Variants in RNF19A observed in about 807,000 individuals in gnomAD.
RNF19A encodes ring finger protein 19A, RBR E3 ubiquitin protein ligase.
In RNF19A, 32 loss-of-function variants were observed where a neutral mutation model predicts 75.7. The ratio of observed to expected loss-of-function variants is 0.42; its 90% CI spans 0.32 to 0.57. The LOEUF (loss-of-function observed/expected upper bound fraction) is 0.57, where lower values mean the gene tolerates loss of function less well. RNF19A is among the 20% of genes least tolerant of loss of function. The pLI, the probability that RNF19A is intolerant of heterozygous loss-of-function variation, is 0.10. For synonymous variants in RNF19A, 335 were observed against 345.2 expected (o/e 0.97, Z 0.33); for missense variants, 782 against 1,036.3 (o/e 0.75, Z 3.37).
At position 100,332,589 on chromosome 8, in the gene RNF19A, A is replaced by G. The variant is rs1176473877; in HGVS notation, c.-243+3519T>C. On this transcript the variant is annotated intron_variant, in intron 1 of 3. Transcript: ENST00000519527. This position sits in a 1 kb window ranked among gnomAD's most constrained non-coding sequence, Gnocchi z 4.8. The stretch of plus-strand genomic sequence containing the variant: ...CAATTATCCTACAAGTGATCACATA[A>G]ATCACCTTGATAAGACAAATGGTCT... 1.3e-5 allele frequency among the ~76,000 whole-genome samples: 2 copies of G among 152,220 alleles called. No homozygotes were observed. Among genetic ancestry groups the G allele is most frequent in the Non-Finnish European group, 2.9e-5 (2 of 68,028 alleles).
chr8:100,323,780 G>A lies in RNF19A; in HGVS notation c.-242-10408C>T, dbSNP rs1822493377. 6.6e-6 allele frequency among the ~76,000 whole-genome samples: 1 copy of A among 152,210 alleles called. No homozygotes were observed. ...TCAGCTGATATTTAGGGCTGGAAGGGAAAATTTAGGGCCCTGTGTTAACTT... is the reference window on the plus strand; with the variant it reads ...TCAGCTGATATTTAGGGCTGGAAGGAAAAATTTAGGGCCCTGTGTTAACTT... On this transcript the variant is annotated intron_variant, in intron 1 of 3. Transcript: ENST00000519527. The surrounding 1 kb of genome is among the most constrained non-coding windows in gnomAD (Gnocchi z 4.6).
In RNF19A at chr8:100,288,134, T is replaced by G; in HGVS notation, c.41A>C (p.Glu14Ala). ...AGGGTCAGTGTTTACACACAGCCCTTCATTATATTTAGAGATAAAACCTAT... is the reference window on the plus strand; with the variant it reads ...AGGGTCAGTGTTTACACACAGCCCTGCATTATATTTAGAGATAAAACCTAT... ...QEIGFISKYN[E>A]GLCVNTDPVS... is the part of the protein sequence containing the mutation. Residue 14 changes from glutamate to alanine, a missense_variant, in exon 2 of 10, where the codon GAA (glutamate) becomes GCA (alanine). Transcript: ENST00000341084. 6.2e-7 allele frequency: 1 copy of G among 1,612,480 alleles called. No homozygotes were observed. Among genetic ancestry groups the G allele is most frequent in the Non-Finnish European group, 8.5e-7 (1 of 1,179,304 alleles).
intron 1 of RNF19A, among the ~76,000 whole-genome samples, chr8:100,302,280 G>C (rs2130162838): frequency 6.6e-6 from 1 of 152,334 alleles, no homozygotes; most frequent in African/African-American, 2.4e-5. Context: ...TAATCTATGA[G>C]AAAGATGACG....
chr8:100,298,216 T>G (rs1365167936), intron 1 of RNF19A, among the ~76,000 whole-genome samples: 1 of 143,752 alleles, frequency 7.0e-6, no homozygotes, highest in East Asian at 2.0e-4. Flanking sequence ...AAAAAAACAC[T>G]TATTACACAT....
intron 1 of RNF19A, among the ~76,000 whole-genome samples, chr8:100,334,078 T>C (rs1430089507): frequency 6.6e-6 from 1 of 152,250 alleles, no homozygotes; most frequent in Non-Finnish European, 1.5e-5. Context: ...CTGTTCACTG[T>C]GCTTGTAATG....
chr8:100,288,302 T>G (rs1821128419), intron 1 of RNF19A, 35 bp from the exon 2 acceptor site: 16 of 1,196,814 alleles, frequency 1.3e-5, no homozygotes, highest in Admixed American at 3.5e-5. Context: ...CAAGATCATT[T>G]AATTGTATTC....
chr8:100,289,775 T>C (rs1821202354), intron 1 of RNF19A, among the ~76,000 whole-genome samples: 1 of 152,024 alleles, frequency 6.6e-6, no homozygotes, highest in African/African-American at 2.4e-5. Flanking sequence ...TACCCAACAA[T>C]TTCACTCCTA....
intron 3 of RNF19A, among the ~76,000 whole-genome samples, chr8:100,272,965 A>C (rs1367518256): frequency 6.6e-6 from 1 of 152,084 alleles, no homozygotes; most frequent in Non-Finnish European, 1.5e-5. Flanking sequence ...TCCTAGGCTC[A>C]AACGATCCTC....
At position 100,284,875 on chromosome 8, in the gene RNF19A, T is replaced by C. The variant is rs1253023992; in HGVS notation, c.674+2626A>G. On this transcript the variant is annotated intron_variant, in intron 2 of 9. Transcript: ENST00000341084. The surrounding 1 kb of genome is among the most constrained non-coding windows in gnomAD (Gnocchi z 4.3). ...GATGATCATTAACTCACAATCTAAA[T>C]TGGAACACTTGAGAAAGAAATGTAG... 2.0e-5 allele frequency among the ~76,000 whole-genome samples: 3 copies of C among 152,090 alleles called. No homozygotes were observed. Among genetic ancestry groups the C allele is most frequent in the Non-Finnish European group, 4.4e-5 (3 of 67,976 alleles).
intron 3 of RNF19A, among the ~76,000 whole-genome samples, chr8:100,272,759 T>C (rs1050870200): frequency 6.6e-6 from 1 of 152,052 alleles, no homozygotes; most frequent in African/African-American, 2.4e-5. Flanking sequence ...GCCCAGGCTG[T>C]TGAAGTTTTA....
chr8:100,293,822 A>T (rs1821419941), intron 1 of RNF19A, among the ~76,000 whole-genome samples: 1 of 152,024 alleles, frequency 6.6e-6, no homozygotes, highest in Admixed American at 6.6e-5. Context: ...AGACTGGCAA[A>T]TTTCTATTGA....
rs1819723822 is a variant in RNF19A, at chr8:100,261,683, C to T, written c.1541G>A (p.Ser514Asn). The T allele has an allele frequency of 6.2e-7, 1 of 1,614,142 alleles. No homozygotes were observed. Reference sequence around the variant, plus strand: ...CATGTGGCTTCCACTTGCACTCAAACTGCCAGTCAGCCCACCAACACTTCC... The same window carrying T: ...CATGTGGCTTCCACTTGCACTCAAATTGCCAGTCAGCCCACCAACACTTCC... ...GEGSVGGLTG[S>N]LSASGSHMDR... The change falls in exon 8 of 10, where the codon AGT (serine) becomes AAT (asparagine). Residue 514 changes from serine (S) to asparagine (N), a missense_variant. By Grantham distance (46) the Ser-to-Asn change is conservative. Transcript: ENST00000341084. The surrounding 1 kb of genome is among the most constrained non-coding windows in gnomAD (Gnocchi z 4.4).
chr8:100,309,823 TC>T (rs1340553835), intron 1 of RNF19A, 43 bp downstream of exon 1: 1 of 985,416 alleles, frequency 1.0e-6, no homozygotes, highest in African/African-American at 1.7e-5. Flanking sequence ...CCGCCCCTTC[TC>T]TCCCGCTCCG....
chr8:100,316,212 G>A (rs774957250), intron 1 of RNF19A, among the ~76,000 whole-genome samples: 2 of 152,044 alleles, frequency 1.3e-5, no homozygotes, highest in Non-Finnish European at 2.9e-5. Context: ...TTGTGGTCTC[G>A]CTGGCTCAGG....
upstream of RNF19A, among the ~76,000 whole-genome samples, chr8:100,313,848 A>G (rs1004089117): frequency 2.0e-5 from 3 of 151,738 alleles, no homozygotes; most frequent in African/African-American, 7.3e-5. Context: ...AGGTATAATC[A>G]GTCATACTTG....
At position 100,266,481 on chromosome 8, in the gene RNF19A, C is replaced by T. The variant is rs1310580359; in HGVS notation, c.1192-1696G>A. Among the ~76,000 whole-genome samples, 5 of 152,104 alleles carry T rather than the reference C, an allele frequency of 3.3e-5. No homozygotes were observed. In the East Asian group the frequency reaches 5.8e-4, roughly 18 times the overall value. On this transcript the variant is annotated intron_variant, in intron 5 of 9. Transcript: ENST00000341084. ...CTTTGAATAACTACATGAAAAATTA[C>T]GATCAGCTAATATATTTTGAAATTT...
In RNF19A at chr8:100,258,520, T is replaced by G. The variant is rs376881086; in HGVS notation, c.*36A>C. The G allele has an allele frequency of 2.7e-5, 42 of 1,531,858 alleles. No individual in the cohort carries two copies. The highest frequency in any genetic ancestry group is 3.7e-5 in the Non-Finnish European group (42 of 1,124,942). 94.9% of individuals were successfully genotyped at this position (1,531,858 alleles called of 1,614,324 possible). A position where few individuals can be genotyped will look rare whatever the true frequency, so the allele number is the denominator to read the frequency against. ...GTAGTTCAACCAGCTCCAAACACGG[T>G]TGTACAGTGGTAATTATTCTGCAGC... On this transcript the variant is annotated 3_prime_UTR_variant, in exon 10 of 10. Transcript: ENST00000341084. This position sits in a 1 kb window ranked among gnomAD's most constrained non-coding sequence, Gnocchi z 4.3.
chr8:100,267,693 TGAGATGGAGTTTTGCTC>T, intron 5 of RNF19A, among the ~76,000 whole-genome samples: 1 of 151,094 alleles, frequency 6.6e-6, no homozygotes, highest in Non-Finnish European at 1.5e-5. Flanking sequence ...TTTTTTTTTT[TGAGATGGAGTTTTGCTC>T]TTGTTGCCTA....
Position 100,329,561 on chromosome 8 carries a change from A to G in RNF19A, c.-243+6547T>C, listed in dbSNP as rs574671632. ...CTGAACTCAGCAATGGTCAGGCCTC[A>G]TCTGGAGGCTTATATTTAAGCACAT... On this transcript the variant is annotated intron_variant, in intron 1 of 3. Transcript: ENST00000519527. This position sits in a 1 kb window ranked among gnomAD's most constrained non-coding sequence, Gnocchi z 4.3. Among the ~76,000 whole-genome samples the G allele has an allele frequency of 2.0e-5, 3 of 152,332 alleles. No homozygotes were observed. Among genetic ancestry groups the G allele is most frequent in the African/African-American group, 4.8e-5 (2 of 41,564 alleles).
Sources: allele counts gnomAD v4.1 joint callset (sites outside exome capture counted in the v4.1 genomes callset), GRCh38; gene constraint gnomAD v4.1.1; non-coding constraint Gnocchi (gnomAD v3.1); transcripts MANE v1.5; gene names NCBI Gene and HGNC (gene_info 2026-07-23, HGNC 2026-07-21).